Variants in COMMD1 observed in about 807,000 individuals in gnomAD.
COMMD1 encodes COMM domain-containing protein 1.
In COMMD1, 10 loss-of-function variants were observed where a neutral mutation model predicts 17.2. That is an observed-to-expected ratio of 0.58 (90% CI 0.36 to 0.99). COMMD1 has a LOEUF of 0.99. Among genes scored for constraint, COMMD1 ranks in the 50% least tolerant of loss-of-function variants. The pLI, the probability that COMMD1 is intolerant of heterozygous loss-of-function variation, is 0.01. For missense variants in COMMD1, 270 were observed against 231.8 expected, an observed-to-expected ratio of 1.17 and a Z score of -1.07; for synonymous variants, 97 against 91.6, an observed-to-expected ratio of 1.06 and a Z score of -0.34.
intron 2 of COMMD1, among the ~76,000 whole-genome samples, chr2:62,054,735 T>G (rs1670640428): frequency 6.6e-6 from 1 of 152,050 alleles, no homozygotes; most frequent in Admixed American, 6.5e-5. Flanking sequence ...GAGGGGAGGA[T>G]GATCTGAAAT....
Position 62,058,126 on chromosome 2 carries a change from C to T in COMMD1, c.462+57144C>T, listed in dbSNP as rs150941423. 9.4e-4 allele frequency among the ~76,000 whole-genome samples: 143 copies of T among 152,216 alleles called. 1 individual carries two copies. The highest frequency in any genetic ancestry group is 3.2e-3 in the African/African-American group (135 of 41,540). ...TTTGAGATTTATTGAGACTTACCTT[C>T]TGATTTAGCATTTGATCTGTATTGG... On this transcript the variant is annotated intron_variant, in intron 2 of 2. Transcript: ENST00000311832.
At chr2:61,989,707 G>A (rs559487842) in intron 1 of COMMD1, among the ~76,000 whole-genome samples, 8 of 151,984 alleles carry the variant, frequency 5.3e-5, no homozygotes, top group East Asian at 1.9e-4. Flanking sequence ...CAAGTGATCC[G>A]CCCACGTCGG....
chr2:61,965,138 A>C (rs1056975673), intron 1 of COMMD1, among the ~76,000 whole-genome samples: 12 of 152,178 alleles, frequency 7.9e-5, no homozygotes, highest in African/African-American at 2.4e-4. Flanking sequence ...AGTGTTTAAG[A>C]TCTACATAAA....
At chr2:61,940,577 C>T (rs1183050486) in intron 1 of COMMD1, among the ~76,000 whole-genome samples, 2 of 152,158 alleles carry the variant, frequency 1.3e-5, no homozygotes, top group South Asian at 2.1e-4. Context: ...AGCATTGCCC[C>T]AGAAAATGTC....
At chr2:61,891,042 A>C (rs1327636083) in intron 1 of COMMD1, among the ~76,000 whole-genome samples, 2 of 152,202 alleles carry the variant, frequency 1.3e-5, no homozygotes, top group Non-Finnish European at 2.9e-5. Flanking sequence ...ATTTGAGTTT[A>C]TTAATAGCTC....
chr2:62,052,986 T>C (rs1201861165), intron 2 of COMMD1, among the ~76,000 whole-genome samples: 1 of 152,126 alleles, frequency 6.6e-6, no homozygotes, highest in African/African-American at 2.4e-5. Context: ...GGAAGATCAC[T>C]TCAGCCTTCA....
chr2:61,995,301 C>A (rs1464314821), intron 1 of COMMD1, among the ~76,000 whole-genome samples: 2 of 152,148 alleles, frequency 1.3e-5, no homozygotes, highest in East Asian at 1.9e-4. Context: ...GTTACCTAGC[C>A]TTTAGTGGCC....
At chr2:62,131,500 C>A (rs1404696031) in intron 2 of COMMD1, among the ~76,000 whole-genome samples, 3 of 152,062 alleles carry the variant, frequency 2.0e-5, no homozygotes, top group Non-Finnish European at 4.4e-5. Context: ...TGCCTGCCTG[C>A]CTTCCTTTCT....
chr2:62,097,377 T>C (rs1672041687), intron 2 of COMMD1, among the ~76,000 whole-genome samples: 3 of 152,172 alleles, frequency 2.0e-5, no homozygotes, highest in South Asian at 2.1e-4. Context: ...GTTGGCTCTA[T>C]AGGGACTGCT....
chr2:62,129,446 T>C (rs1672967008), intron 2 of COMMD1, among the ~76,000 whole-genome samples: 1 of 152,166 alleles, frequency 6.6e-6, no homozygotes, highest in Non-Finnish European at 1.5e-5. Context: ...GGCCAGTGGT[T>C]CCTTAGGAAG....
At chr2:62,017,157 T>A (rs1382542524) in intron 2 of COMMD1, among the ~76,000 whole-genome samples, 1 of 152,194 alleles carries the variant, frequency 6.6e-6, no homozygotes, top group African/African-American at 2.4e-5. Context: ...TTAACCTAAG[T>A]GGATTATAAG....
chr2:61,987,360 A>G (rs922140759), intron 1 of COMMD1, among the ~76,000 whole-genome samples: 4 of 152,128 alleles, frequency 2.6e-5, no homozygotes, highest in African/African-American at 9.7e-5. Flanking sequence ...ATTTGAAAGG[A>G]TGGGGGTGTT....
chr2:61,985,267 G>A (rs1350427609), intron 1 of COMMD1, among the ~76,000 whole-genome samples: 4 of 152,058 alleles, frequency 2.6e-5, no homozygotes, highest in Admixed American at 6.6e-5. Flanking sequence ...AGCCAGGATG[G>A]TCTCGATCTC....
chr2:62,115,585 A>T (rs1672568582), intron 2 of COMMD1, among the ~76,000 whole-genome samples: 1 of 152,336 alleles, frequency 6.6e-6, no homozygotes, highest in Admixed American at 6.5e-5. Context: ...TTACTGGGGC[A>T]TTTGATAAAA....
rs530065089 is a variant in COMMD1 at position 62,103,042 on chromosome 2, G to C, written c.463-32789G>C. Among the ~76,000 whole-genome samples the C allele has an allele frequency of 2.0e-5, 3 of 150,640 alleles. No individual in the cohort carries two copies. The East Asian group carries it at 5.8e-4, about 29-fold the overall frequency. ...TGCCCAGGCTGGAGTGCAGTGGCGC[G>C]ATCTCCGCTCACTGCAAGCTGCGCC... On this transcript the variant is annotated intron_variant, in intron 2 of 2. Transcript: ENST00000311832.
intron 2 of COMMD1, among the ~76,000 whole-genome samples, chr2:62,133,230 G>A (rs1673091612): frequency 2.0e-5 from 3 of 152,044 alleles, no homozygotes; most frequent in African/African-American, 4.8e-5. Context: ...TTTCTCCTTG[G>A]GAGATGTTCA....
Position 62,035,272 on chromosome 2 carries a change from C to T in COMMD1, c.462+34290C>T, listed in dbSNP as rs368221848. ...AAGTTTTCACAATATACTTATTTTC[C>T]CTTTATTCCAATACATATTTATTAG... On this transcript the variant is annotated intron_variant, in intron 2 of 2. Transcript: ENST00000311832. Among the ~76,000 whole-genome samples the T allele has an allele frequency of 1.4e-4, 21 of 152,268 alleles. No individual in the cohort carries two copies. In the East Asian group the frequency reaches 2.5e-3, roughly 18 times the overall value.
intron 2 of COMMD1, 114 bp downstream of exon 2, chr2:62,001,096 C>G: frequency 9.6e-7 from 1 of 1,043,328 alleles, no homozygotes; most frequent in Non-Finnish European, 1.4e-6. Context: ...ACACTGTTTC[C>G]TAGAATCCTT....
chr2:61,992,050 A>G (rs1390782485), intron 1 of COMMD1, among the ~76,000 whole-genome samples: 2 of 152,254 alleles, frequency 1.3e-5, no homozygotes, highest in African/African-American at 4.8e-5. Context: ...TTTGAAATAT[A>G]TATTTTAAAA....
Sources: allele counts gnomAD v4.1 joint callset (sites outside exome capture counted in the v4.1 genomes callset), GRCh38; gene constraint gnomAD v4.1.1; transcripts MANE v1.5; gene names NCBI Gene and HGNC (gene_info 2026-07-23, HGNC 2026-07-21).